SGCD: variants seen among roughly 807,000 people sequenced by gnomAD.
SGCD encodes the protein sarcoglycan delta.
SGCD carries 18 observed loss-of-function variants against 36.6 expected under a neutral mutation model. The observed-to-expected ratio is 0.49, with a 90% CI of 0.34 to 0.73. SGCD has a LOEUF of 0.73. Ranked by LOEUF, SGCD falls within the 30% of genes least tolerant of loss-of-function variation. The pLI, the probability that SGCD is intolerant of heterozygous loss-of-function variation, is 0.01. For missense variants in SGCD, 387 were observed against 346.7 expected, an observed-to-expected ratio of 1.12 and a Z score of -0.92; for synonymous variants, 133 against 130.6, an observed-to-expected ratio of 1.02 and a Z score of -0.12.
chr5:156,045,515 T>C (rs1347576576), intron 1 of SGCD, among the ~76,000 whole-genome samples: 4 of 152,162 alleles, frequency 2.6e-5, no homozygotes, highest in Non-Finnish European at 4.4e-5. Flanking sequence ...ATCTGATTGT[T>C]ATGGACCTAT....
chr5:156,067,821 C>A (rs1461162927), intron 1 of SGCD, among the ~76,000 whole-genome samples: 9 of 139,740 alleles, frequency 6.4e-5, no homozygotes, highest in Non-Finnish European at 1.2e-4. Context: ...CGCACACACA[C>A]TGGCCTGCGC....
At chr5:156,127,199 T>C (rs750972873) in intron 3 of SGCD, among the ~76,000 whole-genome samples, 4 of 152,084 alleles carry the variant, frequency 2.6e-5, no homozygotes, top group Non-Finnish European at 4.4e-5. Flanking sequence ...TTTCAAAAAA[T>C]CATAAGCAAA....
chr5:156,395,599 T>TGTATA (rs1259925297), intron 3 of SGCD, among the ~76,000 whole-genome samples: 2 of 152,204 alleles, frequency 1.3e-5, no homozygotes, highest in African/African-American at 4.8e-5. Flanking sequence ...ATCATCCATT[T>TGTATA]GTATATTCAG....
chr5:156,347,091 C>G (rs978077701), intron 3 of SGCD, among the ~76,000 whole-genome samples: 1 of 152,170 alleles, frequency 6.6e-6, no homozygotes, highest in Non-Finnish European at 1.5e-5. Context: ...GCCACCGTGC[C>G]TGGCCTGGAC....
intron 3 of SGCD, among the ~76,000 whole-genome samples, chr5:156,364,748 A>T (rs974317003): frequency 1.3e-5 from 2 of 152,202 alleles, no homozygotes; most frequent in African/African-American, 4.8e-5. Flanking sequence ...TTCAAGAATA[A>T]TGAGAGTCAC....
At chr5:156,371,561 C>G (rs933193548) in intron 3 of SGCD, among the ~76,000 whole-genome samples, 3 of 152,142 alleles carry the variant, frequency 2.0e-5, no homozygotes, top group Non-Finnish European at 4.4e-5. Context: ...AATGTGCCAC[C>G]CCTGGAATTG....
At chr5:155,902,803 T>G (rs548512234) in intron 1 of SGCD, among the ~76,000 whole-genome samples, 1 of 152,354 alleles carries the variant, frequency 6.6e-6, no homozygotes, top group South Asian at 2.1e-4. Flanking sequence ...GATATTACAA[T>G]TGCTTATTCA....
the SGCD span, among the ~76,000 whole-genome samples, chr5:155,844,859 A>G: frequency 6.6e-6 from 1 of 152,140 alleles, no homozygotes; most frequent in Non-Finnish European, 1.5e-5. Flanking sequence ...TAATTATTTT[A>G]CTTCTCTGTG....
At chr5:156,103,845 G>A (rs1046037433) in intron 1 of SGCD, among the ~76,000 whole-genome samples, 2 of 152,106 alleles carry the variant, frequency 1.3e-5, no homozygotes, top group Non-Finnish European at 2.9e-5. Flanking sequence ...AGACATTCAA[G>A]TATAATTTAA....
At chr5:156,617,954 GA>G (rs1762082884) in intron 6 of SGCD, among the ~76,000 whole-genome samples, 1 of 152,232 alleles carries the variant, frequency 6.6e-6, no homozygotes, top group African/African-American at 2.4e-5. Context: ...CCAGCCACGT[GA>G]AGTTGGCCAC....
At chr5:156,126,291 T>G (rs1762171179) in intron 3 of SGCD, among the ~76,000 whole-genome samples, 1 of 152,202 alleles carries the variant, frequency 6.6e-6, no homozygotes, top group Admixed American at 6.5e-5. Context: ...TACTGAGGTT[T>G]TTTGGCTTTG....
At chr5:156,543,695 T>G (rs1758444792) in intron 4 of SGCD, among the ~76,000 whole-genome samples, 1 of 152,228 alleles carries the variant, frequency 6.6e-6, no homozygotes, top group Non-Finnish European at 1.5e-5. Flanking sequence ...CAGGGGATCC[T>G]TATGATGACG....
intron 4 of SGCD, among the ~76,000 whole-genome samples, chr5:156,515,848 T>A (rs1001612950): frequency 1.3e-5 from 2 of 152,192 alleles, no homozygotes; most frequent in Non-Finnish European, 2.9e-5. Flanking sequence ...CCCTGGAGAC[T>A]AGGTGGTTTG....
rs545612590 is a variant in SGCD at position 156,027,474 on chromosome 5, A to AT, written c.-281-90402dup. ...TACAACTCTTATGGATCTGACACTGATTCCAATTTTATTAGAATATGATGA... is the reference window on the plus strand; with the variant it reads ...TACAACTCTTATGGATCTGACACTGATTTCCAATTTTATTAGAATATGATGA... On this transcript the variant is annotated intron_variant, in intron 1 of 9. Transcript: ENST00000517913. 4.9e-3 allele frequency among the ~76,000 whole-genome samples: 749 copies of AT among 152,350 alleles called. 5 individuals carry two copies. The highest frequency in any genetic ancestry group is 7.6e-3 in the Non-Finnish European group (519 of 68,030).
At chr5:156,558,535 T>C (rs1759136418) in intron 4 of SGCD, among the ~76,000 whole-genome samples, 1 of 152,162 alleles carries the variant, frequency 6.6e-6, no homozygotes, top group Non-Finnish European at 1.5e-5. Flanking sequence ...CTGTTCTGTG[T>C]CAGACACTGA....
chr5:156,422,550 C>T (rs1048805210), intron 3 of SGCD, among the ~76,000 whole-genome samples: 4 of 152,004 alleles, frequency 2.6e-5, no homozygotes, highest in Admixed American at 2.0e-4. Context: ...ACAAGATCCT[C>T]GATATCCATA....
intron 4 of SGCD, among the ~76,000 whole-genome samples, chr5:156,534,094 A>G (rs538184277): frequency 4.1e-4 from 63 of 152,286 alleles, no homozygotes; most frequent in African/African-American, 1.4e-3. Context: ...CTAGGGAATA[A>G]CTAAGAGTTT....
the SGCD span, among the ~76,000 whole-genome samples, chr5:155,769,349 T>G: frequency 6.6e-6 from 1 of 151,570 alleles, no homozygotes; most frequent in African/African-American, 2.4e-5. Context: ...TTCATGAATT[T>G]TAGATTATTT....
chr5:156,037,749 T>G (rs531730106), intron 1 of SGCD, among the ~76,000 whole-genome samples: 1 of 152,304 alleles, frequency 6.6e-6, no homozygotes, highest in South Asian at 2.1e-4. Flanking sequence ...GTCTTGCACG[T>G]GTTAATTCCC....
Sources: gnomAD v4.1 joint callset for allele counts (sites outside exome capture counted in the v4.1 genomes callset) on GRCh38, gnomAD v4.1.1 for gene constraint, MANE v1.5 for transcripts, NCBI Gene and HGNC (gene_info 2026-07-23, HGNC 2026-07-21) for gene names.